MEGF11: variants seen among roughly 807,000 people sequenced by gnomAD.
The protein encoded by MEGF11 is multiple EGF like domains 11.
In MEGF11, 126 loss-of-function variants were observed where a neutral mutation model predicts 146.6. The ratio of observed to expected loss-of-function variants is 0.86; its 90% CI spans 0.74 to 1.00. The LOEUF (loss-of-function observed/expected upper bound fraction) is 1.00, where lower values mean the gene tolerates loss of function less well. Ranked by LOEUF, MEGF11 falls within the 50% of genes least tolerant of loss-of-function variation. The pLI is 0.00. For synonymous variants in MEGF11, 532 were observed against 583.4 expected (o/e 0.91, Z 1.27); for missense variants, 1,509 against 1,521.2 (o/e 0.99, Z 0.13).
Position 66,011,510 on chromosome 15 carries a change from C to G in MEGF11, c.395-29022G>C, listed in dbSNP as rs189179419. Among the ~76,000 whole-genome samples the G allele has an allele frequency of 1.3e-3, 199 of 152,254 alleles. 2 individuals carry two copies. Among genetic ancestry groups the G allele is most frequent in the African/African-American group, 4.7e-3 (197 of 41,542 alleles). On this transcript the variant is annotated intron_variant, in intron 5 of 25. Transcript: ENST00000395614. ...CAGAACAACCTCGGACTTGAGAGCC[C>G]TCATCTTCCCACACCCCAACTTCAG...
At chr15:66,035,001 A>G (rs1189254842) in intron 5 of MEGF11, among the ~76,000 whole-genome samples, 2 of 152,180 alleles carry the variant, frequency 1.3e-5, no homozygotes, top group Admixed American at 6.5e-5. Context: ...ACCAGATGCC[A>G]GTGTCACGCT....
In MEGF11 at chr15:65,991,526, T is replaced by A. The variant is rs182661864; in HGVS notation, c.395-9038A>T. Among the ~76,000 whole-genome samples the A allele has an allele frequency of 2.0e-5, 3 of 152,270 alleles. No homozygotes were observed. The East Asian group carries it at 5.8e-4, about 29-fold the overall frequency. On this transcript the variant is annotated intron_variant, in intron 5 of 25. Transcript: ENST00000395614. Reference sequence around the variant, plus strand: ...GTGCATTGCAGGGCATTTAGTGGCATCCCTGGCCTCTACCCACGAGATGCC... The same window carrying A: ...GTGCATTGCAGGGCATTTAGTGGCAACCCTGGCCTCTACCCACGAGATGCC...
At chr15:66,070,629 T>A (rs1167892136) in intron 5 of MEGF11, among the ~76,000 whole-genome samples, 4 of 152,258 alleles carry the variant, frequency 2.6e-5, no homozygotes, top group Admixed American at 6.5e-5. Context: ...TAGGTAATGC[T>A]GGGCTAAGGT....
intron 1 of MEGF11, among the ~76,000 whole-genome samples, chr15:66,130,736 GGAAGGAAGGA>G: frequency 6.6e-6 from 1 of 151,850 alleles, no homozygotes; most frequent in African/African-American, 2.4e-5. Flanking sequence ...GAGGGAGGAA[GGAAGGAAGGA>G]AGGAAGGAAG....
chr15:66,163,512 C>A (rs907457452), intron 1 of MEGF11, among the ~76,000 whole-genome samples: 2 of 152,184 alleles, frequency 1.3e-5, no homozygotes, highest in Non-Finnish European at 2.9e-5. Context: ...ACCAGGTGAC[C>A]TTTATAGGCC....
chr15:66,247,041 A>G (rs553790851), intron 1 of MEGF11, among the ~76,000 whole-genome samples: 1 of 152,268 alleles, frequency 6.6e-6, no homozygotes, highest in Admixed American at 6.5e-5. Context: ...GTCCCATTTT[A>G]CCACTGAGAA....
intron 5 of MEGF11, among the ~76,000 whole-genome samples, chr15:65,991,856 C>T (rs1419575757): frequency 2.0e-5 from 3 of 152,206 alleles, no homozygotes; most frequent in African/African-American, 7.2e-5. Context: ...CCTCCCATCA[C>T]ACCAGCTATT....
intron 1 of MEGF11, among the ~76,000 whole-genome samples, chr15:66,245,325 G>A (rs1383722884): frequency 2.0e-5 from 3 of 152,072 alleles, no homozygotes; most frequent in African/African-American, 7.2e-5. Flanking sequence ...AAGATAATGA[G>A]TTGGTTAAAA....
rs1173823521 is a variant in MEGF11 at position 65,913,740 on chromosome 15, A to C, written c.2707T>G (p.Ser903Ala). ...AGGCCAGGAGCATGGCCCTTACCTG[A>C]GAGGGAGTAGTCGGTGCTGGTCATC... ...MRMTSTDYSL[S>A]DLSQSSSHAH... is the part of the protein sequence containing the mutation. The change falls in exon 20 of 26, where the codon TCA (serine) becomes GCA (alanine). Residue 903 changes from serine to alanine, a missense_variant. Ser to Ala is a moderately conservative substitution (Grantham distance 99). Transcript: ENST00000395614. 2 of 1,610,702 alleles carry C rather than the reference A, an allele frequency of 1.2e-6. No individual in the cohort carries two copies. The highest frequency in any genetic ancestry group is 1.7e-6 in the Non-Finnish European group (2 of 1,178,290).
intron 5 of MEGF11, among the ~76,000 whole-genome samples, chr15:66,053,683 G>A (rs529912653): frequency 1.3e-5 from 2 of 149,158 alleles, no homozygotes; most frequent in African/African-American, 5.0e-5. Context: ...CCCAGCCAGG[G>A]CCAGGACTCA....
intron 21 of MEGF11, among the ~76,000 whole-genome samples, chr15:65,910,869 C>T (rs1327292137): frequency 6.6e-6 from 1 of 152,176 alleles, no homozygotes; most frequent in Admixed American, 6.5e-5. Context: ...TTCCCACTCC[C>T]ACCATGGCCC....
rs62009929 is a variant in MEGF11, at chr15:66,204,068, T to G, written c.-9+49537A>C. Among the ~76,000 whole-genome samples, 555 of 149,660 alleles carry G rather than the reference T, an allele frequency of 3.7e-3. 1 individual carries two copies. Among genetic ancestry groups the G allele is most frequent in the Admixed American group, 7.6e-3 (114 of 14,990 alleles). On this transcript the variant is annotated intron_variant, in intron 1 of 25. Transcript: ENST00000395614. The stretch of plus-strand genomic sequence containing the variant: ...GACTAGCCTGGGCAAGACAGTAAGA[T>G]CTCATCTCTATTAAAGGGGGAAAAA...
At chr15:65,965,475 A>C in intron 8 of MEGF11, 1 of 218,876 alleles carries the variant, frequency 4.6e-6, no homozygotes, top group Non-Finnish European at 8.9e-6. Context: ...TTAACACCCA[A>C]TGCAATGGTA....
At chr15:66,163,494 T>C (rs1289445696) in intron 1 of MEGF11, among the ~76,000 whole-genome samples, 1 of 152,148 alleles carries the variant, frequency 6.6e-6, no homozygotes, top group Non-Finnish European at 1.5e-5. Flanking sequence ...AGGCTGAAAA[T>C]CTGTCACACC....
At chr15:66,035,406 A>G (rs1199345499) in intron 5 of MEGF11, among the ~76,000 whole-genome samples, 1 of 152,100 alleles carries the variant, frequency 6.6e-6, no homozygotes, top group African/African-American at 2.4e-5. Flanking sequence ...TTATTTCCCC[A>G]AAGTGATTTT....
chr15:66,018,978 C>A (rs865890028), intron 5 of MEGF11, among the ~76,000 whole-genome samples: 2 of 152,332 alleles, frequency 1.3e-5, no homozygotes, highest in Middle Eastern at 6.8e-3. Flanking sequence ...CTCTGCCCCC[C>A]AGATGGGGAC....
intron 1 of MEGF11, among the ~76,000 whole-genome samples, chr15:66,234,378 T>TA (rs1304730319): frequency 6.6e-6 from 1 of 152,242 alleles, no homozygotes; most frequent in African/African-American, 2.4e-5. Flanking sequence ...GCTTAACTGA[T>TA]ATAGCCAAAG....
rs1158717511 is a variant in MEGF11 at position 66,191,830 on chromosome 15, C to T, written c.-9+61775G>A. ...GTGGCTCACGCCTGTAATCCCAGCA[C>T]TTTGGGAGGCCGAGGTGGGTGGATC... On this transcript the variant is annotated intron_variant, in intron 1 of 25. Transcript: ENST00000395614. Among the ~76,000 whole-genome samples, 6 of 152,116 alleles carry T rather than the reference C, an allele frequency of 3.9e-5. No homozygotes were observed. The East Asian group carries it at 9.7e-4, about 24-fold the overall frequency.
chr15:66,042,739 C>T (rs977418834), intron 5 of MEGF11, among the ~76,000 whole-genome samples: 4 of 152,292 alleles, frequency 2.6e-5, no homozygotes, highest in African/African-American at 4.8e-5. Flanking sequence ...CCTTGCTGGC[C>T]GCTGCATAAC....
Sources: allele counts gnomAD v4.1 joint callset (sites outside exome capture counted in the v4.1 genomes callset), GRCh38; gene constraint gnomAD v4.1.1; transcripts MANE v1.5; gene names NCBI Gene and HGNC (gene_info 2026-07-23, HGNC 2026-07-21).